The following RBFOX3 variants were observed in gnomAD, a reference collection of about 807,000 sequenced individuals.
The protein encoded by RBFOX3 is RNA binding protein fox-1 homolog 3.
Under a neutral mutation model 48.7 loss-of-function variants are expected in RBFOX3, and 17 were observed. That is an observed-to-expected ratio of 0.35 (90% confidence interval 0.24 to 0.52). The LOEUF (loss-of-function observed/expected upper bound fraction) is 0.52, where lower values mean the gene tolerates loss of function less well. Among genes scored for constraint, RBFOX3 ranks in the 20% least tolerant of loss-of-function variants. The probability of loss-of-function intolerance (pLI) is 0.94; values close to 1 mark genes in which losing one functional copy is unlikely to be tolerated. For synonymous variants in RBFOX3, 212 were observed against 209.5 expected (o/e 1.01, Z -0.10); for missense variants, 382 against 497.5 (o/e 0.77, Z 2.21).
At chr17:79,454,256 C>T (rs1396284488) in intron 2 of RBFOX3, among the ~76,000 whole-genome samples, 5 of 152,164 alleles carry the variant, frequency 3.3e-5, no homozygotes, top group Non-Finnish European at 7.4e-5. Flanking sequence ...TTCTGGCTCC[C>T]AGGGCCCTCC....
intron 2 of RBFOX3, among the ~76,000 whole-genome samples, chr17:79,432,742 G>T (rs1020941208): frequency 6.6e-6 from 1 of 152,008 alleles, no homozygotes; most frequent in Non-Finnish European, 1.5e-5. Context: ...AAAAGCTAAC[G>T]TGGTACAAGC....
intron 4 of RBFOX3, among the ~76,000 whole-genome samples, chr17:79,201,441 C>T (rs548603029): frequency 7.0e-6 from 1 of 142,588 alleles, no homozygotes; most frequent in African/African-American, 2.5e-5. Context: ...GCTGTGAGCT[C>T]AGGGAGGGCT....
At chr17:79,238,948 A>T (rs143838253) in intron 3 of RBFOX3, among the ~76,000 whole-genome samples, 19 of 152,236 alleles carry the variant, frequency 1.2e-4, no homozygotes, top group African/African-American at 4.6e-4. Context: ...TCTTCGGGCC[A>T]GGAGCTCCCC....
chr17:79,126,914 C>T (rs1459535331), intron 4 of RBFOX3, among the ~76,000 whole-genome samples: 1 of 152,240 alleles, frequency 6.6e-6, no homozygotes, highest in Non-Finnish European at 1.5e-5. Flanking sequence ...CGGCACCGGG[C>T]TTTGCAGGCA....
At chr17:79,660,726 C>T in the RBFOX3 span, among the ~76,000 whole-genome samples, 4 of 152,114 alleles carry the variant, frequency 2.6e-5, no homozygotes, top group Non-Finnish European at 5.9e-5. Context: ...CGTGGTGATT[C>T]CTCAAAGATC....
At chr17:79,181,009 C>T (rs1317474015) in intron 4 of RBFOX3, among the ~76,000 whole-genome samples, 1 of 152,178 alleles carries the variant, frequency 6.6e-6, no homozygotes, top group African/African-American at 2.4e-5. Flanking sequence ...CCCCGTGGGT[C>T]ATGTTGGTGG....
chr17:79,632,784 C>T, the RBFOX3 span, among the ~76,000 whole-genome samples: 2 of 149,538 alleles, frequency 1.3e-5, no homozygotes, highest in Non-Finnish European at 3.0e-5. Context: ...TGATGGTGCA[C>T]ACCTGTGGTT....
chr17:79,649,660 A>C, the RBFOX3 span, among the ~76,000 whole-genome samples: 1 of 152,224 alleles, frequency 6.6e-6, no homozygotes, highest in East Asian at 1.9e-4. Context: ...GGGCGGAGAT[A>C]GCGCCATTGC....
chr17:79,218,677 G>T (rs2059361820), intron 4 of RBFOX3, among the ~76,000 whole-genome samples: 1 of 152,198 alleles, frequency 6.6e-6, no homozygotes, highest in African/African-American at 2.4e-5. Context: ...GATGCAGGGA[G>T]GTCAGGGAAC....
intron 2 of RBFOX3, among the ~76,000 whole-genome samples, chr17:79,377,209 A>C (rs528967908): frequency 2.7e-5 from 4 of 150,776 alleles, no homozygotes; most frequent in African/African-American, 1.0e-4. Flanking sequence ...GTGTACACAA[A>C]GATACACACA....
intron 2 of RBFOX3, among the ~76,000 whole-genome samples, chr17:79,394,049 C>T (rs58325077): frequency 0.01 from 1,577 of 151,454 alleles, 23 homozygotes; most frequent in African/African-American, 0.035. Context: ...CGGAGCTGGT[C>T]ATCAGTGCAC....
At chr17:79,126,827 G>A (rs796307375) in intron 4 of RBFOX3, among the ~76,000 whole-genome samples, 3 of 152,156 alleles carry the variant, frequency 2.0e-5, no homozygotes, top group Non-Finnish European at 4.4e-5. Context: ...CTTTACTAAC[G>A]AGGAGGCTCC....
chr17:79,463,342 C>T (rs1182424372), intron 2 of RBFOX3, among the ~76,000 whole-genome samples: 1 of 80,042 alleles, frequency 1.2e-5, no homozygotes, highest in Non-Finnish European at 2.8e-5. Context: ...CCACCACCAT[C>T]GCCACCTCCA....
rs373892322 is a variant in RBFOX3, at chr17:79,357,885, G to GT, written c.-174-50062dup. On this transcript the variant is annotated intron_variant, in intron 2 of 14. Transcript: ENST00000693108. ...TTTTTTAAAAAATCAGTAAATTGAA[G>GT]TTTTTTTTTTACTTTAGTATTTAAG... Among the ~76,000 whole-genome samples the GT allele has an allele frequency of 5.9e-3, 868 of 148,124 alleles. 3 individuals are homozygous for GT. The highest frequency in any genetic ancestry group is 0.02 in the African/African-American group (790 of 40,360).
At chr17:79,416,038 G>A (rs187897654) in intron 2 of RBFOX3, among the ~76,000 whole-genome samples, 7 of 152,274 alleles carry the variant, frequency 4.6e-5, no homozygotes, top group Admixed American at 3.9e-4. Context: ...GCCTCCTTCT[G>A]CCGCCGCCTC....
rs73410061 is a variant in RBFOX3, at chr17:79,162,971, G to C, written c.-33-47223C>G. Reference sequence around the variant, plus strand: ...GGACAAAGTCACGGAGGAGACCGAGGTCTGTGACATGCAGCTCTCGGGTGC... The same window carrying C: ...GGACAAAGTCACGGAGGAGACCGAGCTCTGTGACATGCAGCTCTCGGGTGC... On this transcript the variant is annotated intron_variant, in intron 4 of 14. Transcript: ENST00000693108. Among the ~76,000 whole-genome samples, 614 of 152,354 alleles carry C rather than the reference G, an allele frequency of 4.0e-3. 5 individuals carry two copies. Among genetic ancestry groups the C allele is most frequent in the African/African-American group, 0.013 (549 of 41,574 alleles).
At chr17:79,139,349 T>C (rs1324584979) in intron 4 of RBFOX3, among the ~76,000 whole-genome samples, 1 of 152,118 alleles carries the variant, frequency 6.6e-6, no homozygotes, top group Non-Finnish European at 1.5e-5. Flanking sequence ...GGTGACTATG[T>C]CTCCAGGTCC....
chr17:79,106,349 G>T (rs1394121316), intron 6 of RBFOX3, among the ~76,000 whole-genome samples: 1 of 152,174 alleles, frequency 6.6e-6, no homozygotes, highest in Admixed American at 6.5e-5. Context: ...CAGGTGGTCT[G>T]GGGGGCATGG....
chr17:79,410,011 T>C (rs971823642), intron 2 of RBFOX3, among the ~76,000 whole-genome samples: 3 of 152,312 alleles, frequency 2.0e-5, no homozygotes, highest in African/African-American at 7.2e-5. Flanking sequence ...AAGGATGTGT[T>C]GTGATTTCTT....
Sources: gnomAD v4.1 joint callset for allele counts (sites outside exome capture counted in the v4.1 genomes callset) on GRCh38, gnomAD v4.1.1 for gene constraint, MANE v1.5 for transcripts, NCBI Gene and HGNC (gene_info 2026-07-23, HGNC 2026-07-21) for gene names.